The following CDH19 variants were observed in gnomAD, a reference collection of about 807,000 sequenced individuals.
The protein encoded by CDH19 is cadherin-19.
Under a neutral mutation model 64.2 loss-of-function variants are expected in CDH19, and 67 were observed. The observed-to-expected ratio is 1.04, with a 90% confidence interval of 0.86 to 1.28. The LOEUF is 1.28. Among genes scored for constraint, CDH19 ranks in the 50% most tolerant of loss-of-function variants. CDH19 has a pLI of 0.00. For synonymous variants in CDH19, 346 were observed against 319.3 expected (o/e 1.08, Z -0.89); for missense variants, 1,030 against 929.0 (o/e 1.11, Z -1.41).
intron 1 of CDH19, among the ~76,000 whole-genome samples, chr18:66,603,167 T>C (rs1255206897): frequency 6.6e-6 from 1 of 150,690 alleles, no homozygotes; most frequent in African/African-American, 2.4e-5. Context: ...TTTTATGTTT[T>C]TATATTTAAT....
chr18:66,537,656 C>T (rs1986727209), intron 7 of CDH19, among the ~76,000 whole-genome samples: 1 of 151,998 alleles, frequency 6.6e-6, no homozygotes, highest in Non-Finnish European at 1.5e-5. Context: ...TACTTTCTTT[C>T]TGGAACCACA....
chr18:66,523,996 C>A (rs1354443515), intron 9 of CDH19, among the ~76,000 whole-genome samples: 2 of 151,966 alleles, frequency 1.3e-5, no homozygotes, highest in Admixed American at 6.6e-5. Flanking sequence ...CGCCACGAAG[C>A]ATTAAATTGA....
intron 7 of CDH19, among the ~76,000 whole-genome samples, chr18:66,541,247 T>A (rs1444603606): frequency 6.6e-6 from 1 of 152,120 alleles, no homozygotes; most frequent in Non-Finnish European, 1.5e-5. Context: ...AAAACTAATA[T>A]GAGTTGAATG....
At chr18:66,543,739 T>C (rs147744506) in intron 7 of CDH19, among the ~76,000 whole-genome samples, 2,656 of 151,920 alleles carry the variant, frequency 0.017, 67 homozygotes, top group African/African-American at 0.059. Context: ...AAAAATTAGC[T>C]GGGCGTGGTG....
At chr18:66,535,241 TTA>T in intron 7 of CDH19, 134 bp from the exon 8 acceptor site, 1 of 419,092 alleles carries the variant, frequency 2.4e-6, no homozygotes, top group Admixed American at 4.5e-5. Context: ...CGAACAACTT[TTA>T]AAACAGTATA....
intron 1 of CDH19, among the ~76,000 whole-genome samples, chr18:66,593,707 T>A (rs1056485792): frequency 6.6e-5 from 10 of 152,228 alleles, no homozygotes; most frequent in African/African-American, 2.2e-4. Flanking sequence ...CACCATAAGT[T>A]TCCAATTCTG....
chr18:66,547,580 C>CATGA (rs1321623074), intron 5 of CDH19, among the ~76,000 whole-genome samples: 3 of 147,972 alleles, frequency 2.0e-5, no homozygotes, highest in Non-Finnish European at 4.5e-5. Flanking sequence ...TGTGTGGGTA[C>CATGA]ATGAGATGGG....
chr18:66,602,823 TGTTA>T (rs1009859627), intron 1 of CDH19, among the ~76,000 whole-genome samples: 22 of 151,804 alleles, frequency 1.4e-4, no homozygotes, highest in Admixed American at 2.0e-4. Context: ...AAAAATAAAT[TGTTA>T]GTTATTTTAT....
chr18:66,538,955 A>G (rs1470421537), intron 7 of CDH19, among the ~76,000 whole-genome samples: 1 of 152,014 alleles, frequency 6.6e-6, no homozygotes, highest in Non-Finnish European at 1.5e-5. Context: ...TTACCTCCAC[A>G]ATTACTCTAT....
intron 3 of CDH19, among the ~76,000 whole-genome samples, chr18:66,562,361 C>A (rs1485097317): frequency 2.0e-5 from 3 of 151,660 alleles, no homozygotes; most frequent in Non-Finnish European, 4.4e-5. Flanking sequence ...AAGGAACATG[C>A]AACCTAGATT....
chr18:66,507,664 G>A (rs998249257), intron 11 of CDH19, among the ~76,000 whole-genome samples: 17 of 151,730 alleles, frequency 1.1e-4, no homozygotes, highest in Admixed American at 4.0e-4. Context: ...AACTAATAGC[G>A]CTCTTTTACT....
intron 3 of CDH19, among the ~76,000 whole-genome samples, chr18:66,554,953 T>C (rs780398581): frequency 6.6e-6 from 1 of 151,832 alleles, no homozygotes; most frequent in Non-Finnish European, 1.5e-5. Flanking sequence ...GATAAATATT[T>C]ACAAAGATTA....
chr18:66,528,030 C>T (rs1986293189), intron 9 of CDH19, among the ~76,000 whole-genome samples: 1 of 151,170 alleles, frequency 6.6e-6, no homozygotes, highest in Non-Finnish European at 1.5e-5. Context: ...AAATATGTTA[C>T]ATCTAATATG....
At chr18:66,572,917 A>G (rs1431801274) in intron 1 of CDH19, among the ~76,000 whole-genome samples, 1 of 151,714 alleles carries the variant, frequency 6.6e-6, no homozygotes, top group African/African-American at 2.4e-5. Flanking sequence ...ATGGGGAAGA[A>G]GTGTTTATCA....
intron 1 of CDH19, among the ~76,000 whole-genome samples, chr18:66,599,454 G>A (rs1988987069): frequency 6.6e-6 from 1 of 152,052 alleles, no homozygotes; most frequent in South Asian, 2.1e-4. Flanking sequence ...GGAGGAGTAT[G>A]TTTCACGTTT....
intron 1 of CDH19, among the ~76,000 whole-genome samples, chr18:66,572,807 A>G (rs1347470492): frequency 2.6e-5 from 4 of 151,776 alleles, no homozygotes; most frequent in Non-Finnish European, 4.4e-5. Context: ...ATGACAATTC[A>G]GCTTAAAACT....
chr18:66,597,068 C>A (rs1195947399), intron 1 of CDH19, among the ~76,000 whole-genome samples: 56 of 87,464 alleles, frequency 6.4e-4, no homozygotes, highest in East Asian at 2.0e-3. Context: ...GGCGACAGAG[C>A]GAGACTCCAT....
intron 5 of CDH19, among the ~76,000 whole-genome samples, chr18:66,549,081 T>C (rs1299622197): frequency 6.6e-6 from 1 of 151,708 alleles, no homozygotes; most frequent in Non-Finnish European, 1.5e-5. Context: ...TGGACAAGAG[T>C]AAGGAGGCCA....
At chr18:66,535,627 A>G (rs1986632610) in intron 7 of CDH19, among the ~76,000 whole-genome samples, 1 of 146,934 alleles carries the variant, frequency 6.8e-6, no homozygotes, top group African/African-American at 2.5e-5. Context: ...ATATATATAT[A>G]TATATAAACA....
Sources: allele counts gnomAD v4.1 joint callset (sites outside exome capture counted in the v4.1 genomes callset), GRCh38; gene constraint gnomAD v4.1.1; transcripts MANE v1.5; gene names NCBI Gene and HGNC (gene_info 2026-07-23, HGNC 2026-07-21).